ZDHHC20: variants seen among roughly 807,000 people sequenced by gnomAD.
ZDHHC20 encodes the protein zDHHC palmitoyltransferase 20.
In ZDHHC20, 43 loss-of-function variants were observed where a neutral mutation model predicts 57.8. That is an observed-to-expected ratio of 0.74 (90% CI 0.58 to 0.96). The LOEUF (loss-of-function observed/expected upper bound fraction) is 0.96, where lower values mean the gene tolerates loss of function less well. ZDHHC20 is among the 40% of genes least tolerant of loss of function. The probability of loss-of-function intolerance (pLI) is 0.00; values close to 1 mark genes in which losing one functional copy is unlikely to be tolerated. For missense variants in ZDHHC20, 391 were observed against 441.1 expected (o/e 0.89, Z 1.02); for synonymous variants, 157 against 153.0 (o/e 1.03, Z -0.19).
At chr13:21,442,074 G>T (rs74039325) in intron 1 of ZDHHC20, among the ~76,000 whole-genome samples, 1 of 151,824 alleles carries the variant, frequency 6.6e-6, no homozygotes, top group African/African-American at 2.4e-5. Flanking sequence ...CGTTGTTTAC[G>T]TTATGTATCC....
chr13:21,395,069 CT>C (rs11335890), intron 7 of ZDHHC20, among the ~76,000 whole-genome samples: 56,068 of 144,380 alleles, frequency 0.39, 11,242 homozygotes, highest in East Asian at 0.72. Context: ...TAAATTCTTT[CT>C]TTTTTTTTTT....
chr13:21,397,107 C>T (rs552585287), intron 7 of ZDHHC20, among the ~76,000 whole-genome samples: 13 of 152,166 alleles, frequency 8.5e-5, no homozygotes, highest in African/African-American at 3.1e-4. Flanking sequence ...AAGAAATCCT[C>T]ATTTGGGCTG....
At chr13:21,406,305 A>T (rs143377247) in intron 4 of ZDHHC20, among the ~76,000 whole-genome samples, 667 of 152,196 alleles carry the variant, frequency 4.4e-3, no homozygotes, top group African/African-American at 0.015. Context: ...CCTGGACTTG[A>T]TTCTTCTTAT....
At chr13:21,411,567 A>G (rs552472736) in intron 4 of ZDHHC20, among the ~76,000 whole-genome samples, 1 of 152,162 alleles carries the variant, frequency 6.6e-6, no homozygotes, top group Non-Finnish European at 1.5e-5. Flanking sequence ...TCTTTCCCCT[A>G]CCCTTCTCCA....
chr13:21,435,625 T>C (rs992159819), intron 1 of ZDHHC20, among the ~76,000 whole-genome samples: 1 of 152,150 alleles, frequency 6.6e-6, no homozygotes, highest in Non-Finnish European at 1.5e-5. Context: ...AGAAGGATAA[T>C]CTCTTCCATA....
chr13:21,458,336 G>C (rs978490368), intron 1 of ZDHHC20, among the ~76,000 whole-genome samples: 2 of 152,100 alleles, frequency 1.3e-5, no homozygotes, highest in Admixed American at 6.5e-5. Context: ...CAAAATATGA[G>C]TATAAGAAAT....
chr13:21,409,948 TGGA>T (rs1052604283), intron 4 of ZDHHC20, among the ~76,000 whole-genome samples: 1 of 152,196 alleles, frequency 6.6e-6, no homozygotes, highest in African/African-American at 2.4e-5. Context: ...TGTGACCCTT[TGGA>T]GGAGGAGAGG....
rs1287379272 is a variant in ZDHHC20, at chr13:21,376,600, G to A, written c.*96C>T. The A allele has an allele frequency of 7.4e-7, 1 of 1,350,660 alleles. No homozygotes were observed. Among genetic ancestry groups the A allele is most frequent in the Non-Finnish European group, 1.0e-6 (1 of 1,001,776 alleles). 83.7% of individuals were successfully genotyped at this position (1,350,660 alleles called of 1,614,324 possible). On this transcript the variant is annotated 3_prime_UTR_variant, in exon 13 of 13. Coordinates refer to ENST00000400590, the MANE Select transcript of ZDHHC20 (RefSeq NM_001330059.2). ...TATACTTCAGTTATTTCATTCCACTGATCATTTTCTTGCAAATGAAAATTG... is the reference window on the plus strand; with the variant it reads ...TATACTTCAGTTATTTCATTCCACTAATCATTTTCTTGCAAATGAAAATTG...
At position 21,416,999 on chromosome 13, in the gene ZDHHC20, G is replaced by C. The variant is rs927448683; in HGVS notation, c.250-3227C>G. On this transcript the variant is annotated intron_variant, in intron 3 of 12. Transcript: ENST00000400590. ...ACCTATCAGCTATTCACATGCTGCC[G>C]CCTCTTCCTCACCATTTCTTCATTT... Among the ~76,000 whole-genome samples the C allele has an allele frequency of 2.0e-5, 3 of 152,172 alleles. No individual in the cohort carries two copies. The East Asian group carries it at 5.8e-4, about 29-fold the overall frequency.
At chr13:21,425,701 GAATA>G in intron 1 of ZDHHC20, 23 bp from the exon 2 acceptor site, 1 of 1,114,518 alleles carries the variant, frequency 9.0e-7, no homozygotes, top group Non-Finnish European at 1.2e-6. Flanking sequence ...AAAAAATAGT[GAATA>G]AATATACTTT....
At chr13:21,425,537 T>C (rs957602235) in intron 2 of ZDHHC20, 115 bp downstream of exon 2, 2 of 726,648 alleles carry the variant, frequency 2.8e-6, no homozygotes, top group African/African-American at 1.9e-5. Flanking sequence ...AATGTAAAGA[T>C]AGGGATTTTA....
chr13:21,458,993 G>A lies in ZDHHC20; in HGVS notation c.118+61C>T. 5 of 1,336,500 alleles carry A rather than the reference G, an allele frequency of 3.7e-6. 1 individual carries two copies. The highest frequency in any genetic ancestry group is 1.3e-5 in the South Asian group (1 of 78,594). The allele number at this position is 1,336,500 out of a possible 1,614,324, so 82.8% of individuals were successfully genotyped here. A position where few individuals can be genotyped will look rare whatever the true frequency, so the allele number is the denominator to read the frequency against. The stretch of plus-strand genomic sequence containing the variant: ...AAGGCGGCGGGTGTGGGGCGCAGAG[G>A]CCTATCTCGCGCCCTAGCCGCGGCC... On this transcript the variant is annotated intron_variant, in intron 1 of 12. Transcript: ENST00000400590.
At chr13:21,405,775 A>T (rs1223937939) in intron 4 of ZDHHC20, among the ~76,000 whole-genome samples, 2 of 152,220 alleles carry the variant, frequency 1.3e-5, no homozygotes, top group African/African-American at 4.8e-5. Flanking sequence ...AAAAATATGG[A>T]GACCTATTCA....
chr13:21,411,781 T>C (rs937118043), intron 4 of ZDHHC20, among the ~76,000 whole-genome samples: 1 of 152,096 alleles, frequency 6.6e-6, no homozygotes, highest in South Asian at 2.1e-4. Context: ...TGTGTGAGGG[T>C]AGTGTTTTTC....
intron 1 of ZDHHC20, among the ~76,000 whole-genome samples, chr13:21,433,580 G>C (rs1158453575): frequency 2.9e-5 from 4 of 138,426 alleles, no homozygotes; most frequent in African/African-American, 1.1e-4. Flanking sequence ...TCACTCCACT[G>C]CACTCCAGCC....
intron 1 of ZDHHC20, among the ~76,000 whole-genome samples, chr13:21,439,820 A>C (rs1157711304): frequency 6.6e-6 from 1 of 152,092 alleles, no homozygotes; most frequent in African/African-American, 2.4e-5. Context: ...TAATACCAGC[A>C]ATATGGGAGG....
intron 3 of ZDHHC20, among the ~76,000 whole-genome samples, chr13:21,416,963 G>A (rs1027209397): frequency 1.6e-4 from 25 of 152,130 alleles, no homozygotes; most frequent in Non-Finnish European, 3.4e-4. Flanking sequence ...GTCAGGGAAG[G>A]GATGGGAAAT....
At position 21,381,518 on chromosome 13, in the gene ZDHHC20, G is replaced by C; in HGVS notation, c.976C>G (p.Pro326Ala). 3 of 1,613,716 alleles carry C rather than the reference G, an allele frequency of 1.9e-6. No homozygotes were observed. The highest frequency in any genetic ancestry group is 2.5e-6 in the Non-Finnish European group (3 of 1,179,788). The change falls in exon 11 of 13, where the codon CCA (proline) becomes GCA (alanine). Residue 326 changes from proline to alanine, a missense_variant. By Grantham distance (27) the Pro-to-Ala change is conservative. Around this residue, in one of 3 missense-constraint regions of ZDHHC20, gnomAD observed 197 missense variants for 220.8 expected, o/e 0.89. Transcript: ENST00000400590. ...AAGCGGTTTTTTGATTCACTAAGTG[G>C]TTTGATAGGAAAAGGTTGATTTGAG... ...SGSNQPFPIKPLSESKNRLLD... is the reference protein window; with the variant it reads ...SGSNQPFPIKALSESKNRLLD...
intron 9 of ZDHHC20, among the ~76,000 whole-genome samples, chr13:21,385,857 G>A (rs1276806316): frequency 1.3e-5 from 2 of 152,136 alleles, no homozygotes; most frequent in Non-Finnish European, 2.9e-5. Flanking sequence ...GTAGCTACAG[G>A]AGGGGAAAGG....
Sources: allele counts gnomAD v4.1 joint callset (sites outside exome capture counted in the v4.1 genomes callset), GRCh38; gene constraint gnomAD v4.1.1; regional missense constraint gnomAD v4.1.1; transcripts MANE v1.5; gene names NCBI Gene and HGNC (gene_info 2026-07-23, HGNC 2026-07-21).